The following INSYN1 variants were observed in gnomAD, a reference collection of about 807,000 sequenced individuals.
The protein encoded by INSYN1 is inhibitory synaptic factor 1.
INSYN1 carries 7 observed loss-of-function variants against 17.1 expected under a neutral mutation model. The ratio of observed to expected loss-of-function variants is 0.41; its 90% CI spans 0.23 to 0.77. The LOEUF (loss-of-function observed/expected upper bound fraction) is 0.77, where lower values mean the gene tolerates loss of function less well. INSYN1 is among the 30% of genes least tolerant of loss of function. INSYN1 has a pLI of 0.32. For missense variants in INSYN1, 339 were observed against 400.6 expected, an observed-to-expected ratio of 0.85 and a Z score of 1.31; for synonymous variants, 174 against 166.3, an observed-to-expected ratio of 1.05 and a Z score of -0.36.
In INSYN1 at chr15:73,739,838, AATATAT is replaced by A. The variant is rs71650721; in HGVS notation, c.*73_*78del. On this transcript the variant is annotated 3_prime_UTR_variant, in exon 3 of 3. Transcript: ENST00000569673. The stretch of plus-strand genomic sequence containing the variant: ...ATTTTATTATGACTTCATTTGTTTA[AATATAT>A]ATATATATATATATATATATATATT... 783 of 144,606 alleles carry A rather than the reference AATATAT, an allele frequency of 5.4e-3. 8 individuals are homozygous for A. Among genetic ancestry groups the A allele is most frequent in the African/African-American group, 0.019 (653 of 33,870 alleles). The allele number at this position is 144,606 out of a possible 1,614,324, so 9.0% of individuals were successfully genotyped here.
rs1391758745 is a variant in INSYN1, at chr15:73,740,239, C to T, written c.560G>A (p.Arg187Gln). 16 of 1,614,018 alleles carry T rather than the reference C, an allele frequency of 9.9e-6. No individual in the cohort carries two copies. The highest frequency in any genetic ancestry group is 1.3e-5 in the Non-Finnish European group (15 of 1,180,018). ...ATGGTAGAGCACTTTGTCACTGAACCGCACCCTCTCCCGTGTCCCTGGGGT... is the reference window on the plus strand; with the variant it reads ...ATGGTAGAGCACTTTGTCACTGAACTGCACCCTCTCCCGTGTCCCTGGGGT... Reference protein sequence around the residue: ...QRTPGTRERVRFSDKVLYHAL... With the variant: ...QRTPGTRERVQFSDKVLYHAL... The change falls in exon 3 of 3, where the codon CGG (arginine) becomes CAG (glutamine). Residue 187 changes from arginine (R) to glutamine (Q), a missense_variant. By Grantham distance (43) the Arg-to-Gln change is conservative (BLOSUM62 1). Coordinates refer to ENST00000569673, the MANE Select transcript of INSYN1 (RefSeq NM_001039614.3).
At chr15:73,748,687 T>C (rs1038251150) in intron 2 of INSYN1, among the ~76,000 whole-genome samples, 1 of 152,210 alleles carries the variant, frequency 6.6e-6, no homozygotes, top group Non-Finnish European at 1.5e-5. Flanking sequence ...AACCGGGGTC[T>C]GGCACCCCCC....
rs773873738 is a variant in INSYN1 at position 73,740,433 on chromosome 15, C to T, written c.366G>A (p.Ser122=). Residue 122 remains serine, a synonymous_variant, in exon 3 of 3, where the codon TCG becomes TCA. Transcript: ENST00000569673. ...TCGACTCGGGACCATCCACGGAGTC[C>T]GAGGGGGTAGAGACGTCCAGGAAGG... ...FCSFLDVSTP[S]DSVDGPESTR... is the part of the protein sequence containing the mutation. The T allele has an allele frequency of 3.8e-5, 62 of 1,613,334 alleles. No homozygotes were observed. Among genetic ancestry groups the T allele is most frequent in the Non-Finnish European group, 4.6e-5 (54 of 1,179,868 alleles).
intron 2 of INSYN1, among the ~76,000 whole-genome samples, chr15:73,743,855 A>AAAAGAAAG (rs764937025): frequency 2.0e-5 from 2 of 97,834 alleles, no homozygotes; most frequent in African/African-American, 7.2e-5. Flanking sequence ...AAAAAAAAAA[A>AAAAGAAAG]AAAGAAAGAA....
Position 73,752,877 on chromosome 15 carries a change from G to C in INSYN1, c.-1335C>G, listed in dbSNP as rs891079908. The C allele has an allele frequency of 6.6e-6, 1 of 151,062 alleles. No homozygotes were observed. Among genetic ancestry groups the C allele is most frequent in the Non-Finnish European group, 1.5e-5 (1 of 67,656 alleles). 9.4% of individuals were successfully genotyped at this position (151,062 alleles called of 1,614,324 possible). A position where few individuals can be genotyped will look rare whatever the true frequency, so the allele number is the denominator to read the frequency against. On this transcript the variant is annotated 5_prime_UTR_variant, in exon 1 of 3. Transcript: ENST00000569673. This position sits in a 1 kb window ranked among gnomAD's most constrained non-coding sequence, Gnocchi z 5.2. ...CGGGGGCCCCGGCCGGGCTGGGTTC[G>C]GCGGCCCGGGCGCAGGCGGGAGCAG...
chr15:73,743,445 A>T (rs937775849), intron 2 of INSYN1, among the ~76,000 whole-genome samples: 6 of 152,132 alleles, frequency 3.9e-5, no homozygotes, highest in African/African-American at 1.2e-4. Context: ...CCTTAGGCAG[A>T]TGATTATCCC....
chr15:73,747,646 G>C (rs779716134), intron 2 of INSYN1, among the ~76,000 whole-genome samples: 1 of 152,124 alleles, frequency 6.6e-6, no homozygotes, highest in East Asian at 1.9e-4. Context: ...AGTAACTTTC[G>C]CAAGTTCACA....
intron 2 of INSYN1, among the ~76,000 whole-genome samples, chr15:73,749,189 CAA>C (rs767097787): frequency 9.9e-5 from 15 of 152,130 alleles, no homozygotes; most frequent in Admixed American, 6.5e-4. Flanking sequence ...TGTCAAAATG[CAA>C]AGAGATCGCC....
chr15:73,743,925 C>A (rs1901759716), intron 2 of INSYN1, among the ~76,000 whole-genome samples: 2 of 147,768 alleles, frequency 1.4e-5, no homozygotes, highest in East Asian at 4.0e-4. Context: ...TACTTAAGAA[C>A]CTGGGCTCTG....
chr15:73,740,565 C>T lies in INSYN1; in HGVS notation c.234G>A (p.Val78=), dbSNP rs1370141575. The T allele has an allele frequency of 1.9e-6, 3 of 1,614,170 alleles. No individual in the cohort carries two copies. Among genetic ancestry groups the T allele is most frequent in the Non-Finnish European group, 1.7e-6 (2 of 1,180,020 alleles). The change falls in exon 3 of 3, where the codon GTG becomes GTA. Residue 78 remains valine, a synonymous_variant. Transcript: ENST00000569673. ...LEPDDWTTAT[V]SSTSSSDKAG... Reference sequence around the variant, plus strand: ...CCTTGTCACTGCTAGAGGTGCTGCTCACAGTGGCCGTGGTCCAGTCGTCCG... The same window carrying T: ...CCTTGTCACTGCTAGAGGTGCTGCTTACAGTGGCCGTGGTCCAGTCGTCCG...
At chr15:73,745,133 C>G (rs543332248) in intron 2 of INSYN1, among the ~76,000 whole-genome samples, 1 of 152,242 alleles carries the variant, frequency 6.6e-6, no homozygotes, top group South Asian at 2.1e-4. Flanking sequence ...CCTCCCAGCT[C>G]TTGCTTCATG....
Position 73,751,612 on chromosome 15 carries a change from AT to A in INSYN1, c.-483del. On this transcript the variant is annotated 5_prime_UTR_variant, in exon 2 of 3. Transcript: ENST00000569673. ...GGATGCAACTGACACCTGCAGAGGGATGGTGGCCAGGGTCTTCCAGATGTGG... is the reference window on the plus strand; with the variant it reads ...GGATGCAACTGACACCTGCAGAGGGAGGTGGCCAGGGTCTTCCAGATGTGG... The A allele has an allele frequency of 5.8e-6, 1 of 172,574 alleles. No individual in the cohort carries two copies. The highest frequency in any genetic ancestry group is 1.4e-4 in the East Asian group (1 of 7,080). 10.7% of individuals were successfully genotyped at this position (172,574 alleles called of 1,614,324 possible). A position where few individuals can be genotyped will look rare whatever the true frequency, so the allele number is the denominator to read the frequency against.
Position 73,751,095 on chromosome 15 carries a change from G to A in INSYN1, c.36C>T (p.Pro12=). The A allele has an allele frequency of 6.2e-7, 1 of 1,613,974 alleles. No individual in the cohort carries two copies. Among genetic ancestry groups the A allele is most frequent in the Non-Finnish European group, 8.5e-7 (1 of 1,180,020 alleles). Residue 12 remains proline, a synonymous_variant, in exon 2 of 3, where the codon CCC becomes CCT. Coordinates refer to ENST00000569673, the MANE Select transcript of INSYN1 (RefSeq NM_001039614.3). ...NIRGAPDLGQ[P]SDDPSSGGER... is the part of the protein sequence containing the mutation. Reference sequence around the variant, plus strand: ...CACCACCACTGCTGGGGTCGTCACTGGGCTGCCCGAGGTCCGGGGCGCCCC... The same window carrying A: ...CACCACCACTGCTGGGGTCGTCACTAGGCTGCCCGAGGTCCGGGGCGCCCC...
rs1175810637 is a variant in INSYN1, at chr15:73,738,711, G to A, written c.*1206C>T. 1 of 151,994 alleles carries A rather than the reference G, an allele frequency of 6.6e-6. No individual in the cohort carries two copies. Among genetic ancestry groups the A allele is most frequent in the Non-Finnish European group, 1.5e-5 (1 of 67,998 alleles). 9.4% of individuals were successfully genotyped at this position (151,994 alleles called of 1,614,324 possible). ...AATAAAAAAAATAAAAATAAAAAAA[G>A]AAAGAAAGAAAAAGAAAAATGGGGT... is the stretch of plus-strand genomic sequence containing the variant. On this transcript the variant is annotated 3_prime_UTR_variant, in exon 3 of 3. Coordinates refer to ENST00000569673, the MANE Select transcript of INSYN1 (RefSeq NM_001039614.3).
At chr15:73,750,443 G>A (rs1481169084) in intron 2 of INSYN1, among the ~76,000 whole-genome samples, 2 of 152,072 alleles carry the variant, frequency 1.3e-5, no homozygotes, top group African/African-American at 2.4e-5. Context: ...TCTTACCCCC[G>A]GACAAAGAGG....
In INSYN1 at chr15:73,751,269, C is replaced by T; in HGVS notation, c.-139G>A. The T allele has an allele frequency of 1.0e-6, 1 of 997,154 alleles. No homozygotes were observed. Among genetic ancestry groups the T allele is most frequent in the Non-Finnish European group, 1.5e-6 (1 of 681,208 alleles). The allele number at this position is 997,154 out of a possible 1,614,324, so 61.8% of individuals were successfully genotyped here. ...CAGCCCACCCTGGCCCTGGGCGGCC[C>T]TCAACCAGCCCCTGCCCCCTGCCAC... On this transcript the variant is annotated 5_prime_UTR_variant, in exon 2 of 3. Transcript: ENST00000569673.
chr15:73,745,253 A>C (rs1596038465), intron 2 of INSYN1, among the ~76,000 whole-genome samples: 2 of 146,344 alleles, frequency 1.4e-5, no homozygotes, highest in Admixed American at 6.8e-5. Context: ...CTCCCTACCC[A>C]CCCCCTTTCC....
At position 73,751,165 on chromosome 15, in the gene INSYN1, C is replaced by A; in HGVS notation, c.-35G>T. On this transcript the variant is annotated 5_prime_UTR_variant, in exon 2 of 3. Transcript: ENST00000569673. ...CGTGGCCGCAGGCCTGCCCATACTC[C>A]CCCCAGCTGGGCACACACTGCGTCT... 1.2e-6 allele frequency: 2 copies of A among 1,610,272 alleles called. No homozygotes were observed. The highest frequency in any genetic ancestry group is 2.2e-5 in the East Asian group (1 of 44,800).
chr15:73,750,619 T>G (rs894824554), intron 2 of INSYN1, among the ~76,000 whole-genome samples: 3 of 152,114 alleles, frequency 2.0e-5, no homozygotes, highest in Non-Finnish European at 2.9e-5. Flanking sequence ...AGACAGATGG[T>G]GGGTTCAAGG....
Sources: gnomAD v4.1 joint callset for allele counts (sites outside exome capture counted in the v4.1 genomes callset) on GRCh38, gnomAD v4.1.1 for gene constraint, Gnocchi (gnomAD v3.1) non-coding constraint, MANE v1.5 for transcripts, NCBI Gene and HGNC (gene_info 2026-07-23, HGNC 2026-07-21) for gene names.